The following USH1C variants were observed in gnomAD, a reference collection of about 807,000 sequenced individuals.
The protein encoded by USH1C is harmonin.
Under a neutral mutation model 119.3 loss-of-function variants are expected in USH1C, and 90 were observed. That is an observed-to-expected ratio of 0.75 (90% CI 0.64 to 0.90). The LOEUF is 0.90. Among genes scored for constraint, USH1C ranks in the 40% least tolerant of loss-of-function variants. USH1C has a pLI of 0.00. For synonymous variants in USH1C, 465 were observed against 443.3 expected (o/e 1.05, Z -0.62); for missense variants, 1,165 against 1,167.7 (o/e 1.00, Z 0.03).
intron 15 of USH1C, 135 bp downstream of exon 15, chr11:17,516,106 G>T: frequency 1.0e-6 from 1 of 958,954 alleles, no homozygotes; most frequent in East Asian, 2.6e-5. Flanking sequence ...CACAAAGATG[G>T]AGATGGAGTT....
chr11:17,535,447 C>T (rs558708576), intron 1 of USH1C, among the ~76,000 whole-genome samples: 3 of 152,260 alleles, frequency 2.0e-5, no homozygotes, highest in Admixed American at 2.0e-4. Context: ...GGAGATGTTT[C>T]AATTCCTTCA....
chr11:17,543,688 C>T (rs76465298), intron 1 of USH1C, among the ~76,000 whole-genome samples: 2,036 of 152,298 alleles, frequency 0.013, 48 homozygotes, highest in African/African-American at 0.045. Flanking sequence ...AGCCCAGCTC[C>T]GACGCCCTCA....
chr11:17,502,593 C>T (rs368042935), intron 20 of USH1C, among the ~76,000 whole-genome samples: 10 of 152,234 alleles, frequency 6.6e-5, no homozygotes, highest in African/African-American at 1.4e-4. Context: ...GAGGCCTCCC[C>T]AGATTCTGCG....
intron 8 of USH1C, among the ~76,000 whole-genome samples, chr11:17,525,831 T>C (rs1303464579): frequency 5.9e-5 from 9 of 152,202 alleles, no homozygotes; most frequent in Admixed American, 5.2e-4. Flanking sequence ...ATCTGTAAAT[T>C]GGGCTCTGTT....
chr11:17,523,525 A>C (rs373044160), intron 9 of USH1C, 47 bp from the exon 10 acceptor site: 3 of 1,600,456 alleles, frequency 1.9e-6, no homozygotes, highest in Non-Finnish European at 2.6e-6. Context: ...CTATCTGTAC[A>C]CTCGCTCATC....
chr11:17,519,917 G>T (rs544373178), intron 14 of USH1C, among the ~76,000 whole-genome samples: 2 of 152,230 alleles, frequency 1.3e-5, no homozygotes, highest in Admixed American at 1.3e-4. Context: ...GAGCTGTCCA[G>T]ACCCCATCAC....
At chr11:17,516,650 A>C (rs780866110) in intron 14 of USH1C, 13 of 362,152 alleles carry the variant, frequency 3.6e-5, no homozygotes, top group Admixed American at 2.6e-4. Context: ...CCTTGTTGAA[A>C]GAGAACAAGG....
chr11:17,516,207 C>T (rs1267884474), intron 15 of USH1C, 34 bp downstream of exon 15: 8 of 1,612,616 alleles, frequency 5.0e-6, no homozygotes, highest in Admixed American at 3.3e-5. Context: ...GCAAACTAAG[C>T]AGCACACCAG....
chr11:17,533,875 G>C, intron 1 of USH1C: 1 of 402,254 alleles, frequency 2.5e-6, no homozygotes, highest in Admixed American at 2.5e-5. Flanking sequence ...GACCTTAGCT[G>C]GGTTCTGTCC....
Position 17,509,759 on chromosome 11 carries a change from T to C in USH1C, c.1610A>G (p.His537Arg). The C allele has an allele frequency of 6.3e-7, 1 of 1,597,088 alleles. No homozygotes were observed. Among genetic ancestry groups the C allele is most frequent in the East Asian group, 2.2e-5 (1 of 44,614 alleles). ...PPLRRFAGGL[H>R]LHTTDLDDIP... ...GTCGTCCAGGTCAGTGGTGTGCAGG[T>C]GCAGTCCGCCTGCGAAGCGTCTCAA... Residue 537 changes from histidine (H) to arginine (R), a missense_variant, in exon 18 of 27, where the codon CAC becomes CGC. His to Arg is a conservative substitution (Grantham distance 29). Transcript: ENST00000005226.
In USH1C at chr11:17,524,510, G is replaced by A. The variant is rs1565053850; in HGVS notation, c.700C>T (p.Pro234Ser). The A allele has an allele frequency of 1.9e-6, 3 of 1,567,296 alleles. No homozygotes were observed. The highest frequency in any genetic ancestry group is 2.6e-6 in the Non-Finnish European group (3 of 1,154,502). ...TTCACATGGCTGATAAAGATGCCAG[G>A]CTTCTGGATGGGGCCGCTGGAAATG... ...CSISSGPIQKPGIFISHVKPG... is the reference protein window; with the variant it reads ...CSISSGPIQKSGIFISHVKPG... The change falls in exon 9 of 27, where the codon CCT becomes TCT. Residue 234 changes from proline (P) to serine (S), a missense_variant. Coordinates refer to ENST00000005226, the MANE Select transcript of USH1C (RefSeq NM_153676.4).
chr11:17,541,337 A>G (rs113475194), intron 1 of USH1C, among the ~76,000 whole-genome samples: 133 of 152,338 alleles, frequency 8.7e-4, no homozygotes, highest in African/African-American at 3.0e-3. Context: ...TTTGATGCTT[A>G]GAGTACTGCC....
In USH1C at chr11:17,544,366, C is replaced by G. The variant is rs773787616; in HGVS notation, c.-59G>C. The stretch of plus-strand genomic sequence containing the variant: ...CCCGTTCCTTCGGGTGCCCGGCTGC[C>G]AGGAGCTGGAAAGAGCCGCGACCGC... On this transcript the variant is annotated 5_prime_UTR_variant, in exon 1 of 27. Transcript: ENST00000005226. 24 of 1,612,572 alleles carry G rather than the reference C, an allele frequency of 1.5e-5. No homozygotes were observed. The Middle Eastern group carries it at 5.0e-4, about 33-fold the overall frequency.
At position 17,517,312 on chromosome 11, in the gene USH1C, C is replaced by T; in HGVS notation, c.1211-1022G>A. On this transcript the variant is annotated intron_variant, in intron 14 of 26. Coordinates refer to ENST00000005226, the MANE Select transcript of USH1C (RefSeq NM_153676.4). The stretch of plus-strand genomic sequence containing the variant: ...ATTGGCCCCCACACATGCTGGGCCC[C>T]TGAAGCTGGGTGTCTGCACTGCGGT... The T allele has an allele frequency of 2.9e-6, 4 of 1,379,208 alleles. No homozygotes were observed. In the South Asian group the frequency reaches 3.7e-5, roughly 13 times the overall value. 85.4% of individuals were successfully genotyped at this position (1,379,208 alleles called of 1,614,324 possible).
chr11:17,517,477 A>G, intron 14 of USH1C: 1 of 1,588,524 alleles, frequency 6.3e-7, no homozygotes, highest in Non-Finnish European at 8.6e-7. Flanking sequence ...CTGATCATCT[A>G]CCCAGGGAAA....
At chr11:17,495,495 G>C (rs1038932420) in intron 26 of USH1C, 74 bp downstream of exon 26, 33 of 1,478,522 alleles carry the variant, frequency 2.2e-5, no homozygotes, top group Non-Finnish European at 3.1e-5. Flanking sequence ...AGAACCTGCT[G>C]ACAGCGTGGG....
Position 17,498,205 on chromosome 11 carries a change from G to T in USH1C, c.2447C>A (p.Ala816Asp), listed in dbSNP as rs1241182837. ...NGKIVTDYTL[A>D]EAEAALQKAW... ...CTTCTGCAGGGCAGCCTCAGCCTCAGCCAGGGTGTAGTCTGTCACAATCTT... is the reference window on the plus strand; with the variant it reads ...CTTCTGCAGGGCAGCCTCAGCCTCATCCAGGGTGTAGTCTGTCACAATCTT... Residue 816 changes from alanine (A) to aspartate (D), a missense_variant, in exon 24 of 27, where the codon GCT becomes GAT. Physicochemically the swap from Ala to Asp is moderately radical, Grantham distance 126. Transcript: ENST00000005226. 1 of 1,614,206 alleles carries T rather than the reference G, an allele frequency of 6.2e-7. No homozygotes were observed. The highest frequency in any genetic ancestry group is 1.3e-5 in the African/African-American group (1 of 75,070).
intron 1 of USH1C, chr11:17,533,832 C>A (rs1236318958): frequency 6.5e-5 from 29 of 448,552 alleles, no homozygotes; most frequent in Admixed American, 5.9e-4. Flanking sequence ...TCTGTAACAT[C>A]AGTGCCAGGG....
intron 8 of USH1C, among the ~76,000 whole-genome samples, chr11:17,524,760 T>C (rs1175510517): frequency 6.6e-6 from 1 of 152,198 alleles, no homozygotes; most frequent in Non-Finnish European, 1.5e-5. Flanking sequence ...TCATATGCTG[T>C]TTCTTCTTTC....
Sources: allele counts gnomAD v4.1 joint callset (sites outside exome capture counted in the v4.1 genomes callset), GRCh38; gene constraint gnomAD v4.1.1; transcripts MANE v1.5; gene names NCBI Gene and HGNC (gene_info 2026-07-23, HGNC 2026-07-21).